Variants in CHMP5 observed in about 807,000 individuals in gnomAD.
CHMP5 encodes charged multivesicular body protein 5.
A neutral mutation model predicts 33.0 loss-of-function variants in CHMP5; 17 were observed. The observed-to-expected ratio is 0.52, with a 90% CI of 0.35 to 0.77. The LOEUF (loss-of-function observed/expected upper bound fraction) is 0.77. Ranked by LOEUF, CHMP5 falls within the 30% of genes least tolerant of loss-of-function variation. The pLI is 0.01. For missense variants in CHMP5, 216 were observed against 261.5 expected (o/e 0.83, Z 1.20); for synonymous variants, 76 against 90.2 (o/e 0.84, Z 0.89).
At chr9:33,272,246 C>A (rs989579017) in intron 5 of CHMP5, among the ~76,000 whole-genome samples, 1 of 152,028 alleles carries the variant, frequency 6.6e-6, no homozygotes, top group African/African-American at 2.4e-5. Flanking sequence ...CCTTTACCCC[C>A]CTGACTAGAA....
At chr9:33,274,310 G>C (rs1820828375) in intron 5 of CHMP5, among the ~76,000 whole-genome samples, 2 of 152,138 alleles carry the variant, frequency 1.3e-5, no homozygotes, top group Admixed American at 6.5e-5. Context: ...CTGAGCTCAA[G>C]TGATCCGCCC....
intron 5 of CHMP5, among the ~76,000 whole-genome samples, chr9:33,272,467 A>T (rs538831933): frequency 6.6e-6 from 1 of 151,724 alleles, no homozygotes; most frequent in African/African-American, 2.4e-5. Flanking sequence ...CAGGCATTTT[A>T]TTGCCTCTGC....
Position 33,266,037 on chromosome 9 carries a change from A to G in CHMP5, c.97A>G (p.Lys33Glu), listed in dbSNP as rs764219886. Residue 33 changes from lysine to glutamate, a missense_variant, in exon 2 of 8, where the codon AAG (lysine) becomes GAG (glutamate). By Grantham distance (56) the Lys-to-Glu change is moderately conservative. Coordinates refer to ENST00000223500, the MANE Select transcript of CHMP5 (RefSeq NM_016410.6). Reference sequence around the variant, plus strand: ...GGACAGTAGAGCAGAATCCATTGACAAGAAGATTTCTCGATTGGATGCTGA... The same window carrying G: ...GGACAGTAGAGCAGAATCCATTGACGAGAAGATTTCTCGATTGGATGCTGA... ...TVDSRAESID[K>E]KISRLDAELV... 1.2e-6 allele frequency: 2 copies of G among 1,613,106 alleles called. No individual in the cohort carries two copies. Among genetic ancestry groups the G allele is most frequent in the Non-Finnish European group, 1.7e-6 (2 of 1,179,234 alleles).
At chr9:33,279,069 T>C (rs1820889121) in intron 7 of CHMP5, among the ~76,000 whole-genome samples, 1 of 152,000 alleles carries the variant, frequency 6.6e-6, no homozygotes, top group Admixed American at 6.6e-5. Flanking sequence ...CGATTACAGG[T>C]GCGCGCCAAC....
intron 5 of CHMP5, among the ~76,000 whole-genome samples, chr9:33,274,855 A>G (rs1021909923): frequency 1.3e-5 from 2 of 152,154 alleles, no homozygotes; most frequent in Non-Finnish European, 2.9e-5. Flanking sequence ...AGTTCAGGCA[A>G]TCCACCCACT....
At position 33,276,655 on chromosome 9, in the gene CHMP5, C is replaced by T; in HGVS notation, c.496+91C>T. ...TTTTCTCAAATGCTAGTGAAAATTT[C>T]TATCAGGATTTCCTGAAGGTTAGTT... On this transcript the variant is annotated intron_variant, in intron 6 of 7. Coordinates refer to ENST00000223500, the MANE Select transcript of CHMP5 (RefSeq NM_016410.6). 4.2e-6 allele frequency: 3 copies of T among 712,612 alleles called. No individual in the cohort carries two copies. In the South Asian group the frequency reaches 5.2e-5, roughly 12 times the overall value. The allele number at this position is 712,612 out of a possible 1,614,324, so 44.1% of individuals were successfully genotyped here.
rs775581405 is a variant in CHMP5, at chr9:33,271,166, A to G, written c.330A>G (p.Lys110=). ...KDTKTTVDAM[K]LGVKEMKKAY... ...CCTTTTCTTAGGTTGATGCTATGAAACTGGGAGTAAAGGAAATGAAGAAGG... is the reference window on the plus strand; with the variant it reads ...CCTTTTCTTAGGTTGATGCTATGAAGCTGGGAGTAAAGGAAATGAAGAAGG... The change falls in exon 5 of 8, where the codon AAA becomes AAG. Residue 110 remains lysine, a synonymous_variant. Transcript: ENST00000223500. The G allele has an allele frequency of 6.2e-7, 1 of 1,613,502 alleles. No individual in the cohort carries two copies. The highest frequency in any genetic ancestry group is 8.5e-7 in the Non-Finnish European group (1 of 1,179,398).
chr9:33,276,224 G>C (rs10971456), intron 5 of CHMP5, among the ~76,000 whole-genome samples: 9,062 of 152,238 alleles, frequency 0.06, 851 homozygotes, highest in African/African-American at 0.2. Context: ...ACTTGAACCT[G>C]TCCTTTAGAG....
intron 7 of CHMP5, 132 bp from the exon 8 acceptor site, chr9:33,280,677 T>C (rs1250580006): frequency 1.3e-6 from 1 of 744,062 alleles, no homozygotes. Context: ...CTTGTTCTCA[T>C]CTTATGACTG....
intron 5 of CHMP5, among the ~76,000 whole-genome samples, chr9:33,275,727 C>T (rs778877437): frequency 9.2e-5 from 14 of 152,194 alleles, no homozygotes; most frequent in Non-Finnish European, 1.9e-4. Context: ...AAATCAAATC[C>T]AGCCGGGCAC....
At chr9:33,267,993 C>G in intron 3 of CHMP5, 94 bp downstream of exon 3, 1 of 838,362 alleles carries the variant, frequency 1.2e-6, no homozygotes, top group East Asian at 2.5e-5. Context: ...TTTCTAAGCA[C>G]TCTTGATTTA....
chr9:33,265,086 G>A lies in CHMP5; in HGVS notation c.8G>A (p.Arg3Gln). 2 of 1,614,182 alleles carry A rather than the reference G, an allele frequency of 1.2e-6. No homozygotes were observed. Among genetic ancestry groups the A allele is most frequent in the Non-Finnish European group, 1.7e-6 (2 of 1,180,030 alleles). The change falls in exon 1 of 8, where the codon CGA becomes CAA. Residue 3 changes from arginine (R) to glutamine (Q), a missense_variant. Physicochemically the swap from Arg to Gln is conservative, Grantham distance 43. Transcript: ENST00000223500. MNRLFGKAKPKAP... is the reference protein window; with the variant it reads MNQLFGKAKPKAP... The stretch of plus-strand genomic sequence containing the variant: ...TCTTCGCGGCTGCTCAAGATGAACC[G>A]ACTCTTCGGGAAAGCGAAACCCAAG...
chr9:33,280,056 C>T (rs1820903581), intron 7 of CHMP5, among the ~76,000 whole-genome samples: 1 of 151,986 alleles, frequency 6.6e-6, no homozygotes, highest in Non-Finnish European at 1.5e-5. Context: ...CAGCTCACTG[C>T]AACCTCCACC....
rs761807950 is a variant in CHMP5 at position 33,281,607 on chromosome 9, A to G, written c.*748A>G. 2.0e-5 allele frequency: 3 copies of G among 152,358 alleles called. No individual in the cohort carries two copies. Among genetic ancestry groups the G allele is most frequent in the Non-Finnish European group, 4.4e-5 (3 of 68,036 alleles). 9.4% of individuals were successfully genotyped at this position (152,358 alleles called of 1,614,324 possible). ...TGTCATTTCAGCCTATAACTCCACT[A>G]CAGAAACCAAATTAACCAGTAGCAT... On this transcript the variant is annotated 3_prime_UTR_variant, in exon 8 of 8. Transcript: ENST00000223500.
chr9:33,273,390 C>T (rs1820817727), intron 5 of CHMP5, among the ~76,000 whole-genome samples: 1 of 151,856 alleles, frequency 6.6e-6, no homozygotes. Context: ...AAAAGAGAAA[C>T]TTTGGTCTTG....
chr9:33,279,441 C>G (rs530534392), intron 7 of CHMP5, among the ~76,000 whole-genome samples: 119 of 152,230 alleles, frequency 7.8e-4, no homozygotes, highest in African/African-American at 2.8e-3. Context: ...CCTTTCTGAA[C>G]TGCCCACTCC....
intron 7 of CHMP5, among the ~76,000 whole-genome samples, chr9:33,279,313 T>C (rs528442378): frequency 2.6e-5 from 4 of 152,234 alleles, no homozygotes; most frequent in Non-Finnish European, 5.9e-5. Flanking sequence ...ACCTGTAAAA[T>C]GTGAGAGCAA....
intron 5 of CHMP5, among the ~76,000 whole-genome samples, chr9:33,275,761 G>A (rs947442350): frequency 6.6e-6 from 1 of 152,146 alleles, no homozygotes. Context: ...TATAATCCCA[G>A]CACTTTGGGA....
At chr9:33,278,785 A>G (rs1015255930) in intron 7 of CHMP5, among the ~76,000 whole-genome samples, 1 of 152,204 alleles carries the variant, frequency 6.6e-6, no homozygotes, top group East Asian at 1.9e-4. Context: ...ATGACTAATT[A>G]CTTAGCTATT....
Sources: gnomAD v4.1 joint callset for allele counts (sites outside exome capture counted in the v4.1 genomes callset) on GRCh38, gnomAD v4.1.1 for gene constraint, MANE v1.5 for transcripts, NCBI Gene and HGNC (gene_info 2026-07-23, HGNC 2026-07-21) for gene names.